The following LRP12 variants were observed in gnomAD, a reference collection of about 807,000 sequenced individuals.
The protein encoded by LRP12 is LDL receptor related protein 12.
A neutral mutation model predicts 66.0 loss-of-function variants in LRP12; 14 were observed. The ratio of observed to expected loss-of-function variants is 0.21; its 90% CI spans 0.14 to 0.33. LRP12 has a LOEUF of 0.33. Ranked by LOEUF, LRP12 falls within the 10% of genes least tolerant of loss-of-function variation. The pLI, the probability that LRP12 is intolerant of heterozygous loss-of-function variation, is 1.00. For missense variants in LRP12, 889 were observed against 1,053.4 expected (o/e 0.84, Z 2.16); for synonymous variants, 357 against 359.1 (o/e 0.99, Z 0.07).
intron 1 of LRP12, among the ~76,000 whole-genome samples, chr8:104,548,380 A>AT (rs1488650297): frequency 1.1e-5 from 1 of 91,984 alleles, no homozygotes; most frequent in Non-Finnish European, 1.8e-5. Flanking sequence ...TATATTATAT[A>AT]AATATATAAT....
Position 104,497,869 on chromosome 8 carries a change from T to C in LRP12, c.683A>G (p.Lys228Arg), listed in dbSNP as rs1321018638. 1 of 1,614,180 alleles carries C rather than the reference T, an allele frequency of 6.2e-7. No homozygotes were observed. Among genetic ancestry groups the C allele is most frequent in the Admixed American group, 1.7e-5 (1 of 60,024 alleles). ...AGATTCGGGGAGGCAAGTGTAAACTTTGGTAAAACGGGATAAACACTGGAA... is the reference window on the plus strand; with the variant it reads ...AGATTCGGGGAGGCAAGTGTAAACTCTGGTAAAACGGGATAAACACTGGAA... ...NQFQCLSRFT[K>R]VYTCLPESLK... The change falls in exon 5 of 7, where the codon AAA becomes AGA. Residue 228 changes from lysine to arginine, a missense_variant. Physicochemically the swap from Lys to Arg is conservative, Grantham distance 26. Coordinates refer to ENST00000276654, the MANE Select transcript of LRP12 (RefSeq NM_013437.5). The surrounding 1 kb of genome is among the most constrained non-coding windows in gnomAD (Gnocchi z 4.3).
At chr8:104,579,144 C>T (rs1253246835) in intron 1 of LRP12, among the ~76,000 whole-genome samples, 2 of 152,018 alleles carry the variant, frequency 1.3e-5, no homozygotes, top group African/African-American at 4.8e-5. Flanking sequence ...TCAAATTATC[C>T]CTGTTTGCAA....
intron 2 of LRP12, among the ~76,000 whole-genome samples, chr8:104,519,600 A>T (rs1295263329): frequency 6.6e-6 from 1 of 151,928 alleles, no homozygotes; most frequent in Admixed American, 6.6e-5. Flanking sequence ...AGATTTTTAG[A>T]TTAGGGATGC....
intron 1 of LRP12, among the ~76,000 whole-genome samples, chr8:104,563,076 A>T (rs1285557502): frequency 6.6e-6 from 1 of 152,202 alleles, no homozygotes; most frequent in African/African-American, 2.4e-5. Flanking sequence ...AAGAGCACAG[A>T]TTTTAGGTTA....
intron 1 of LRP12, among the ~76,000 whole-genome samples, chr8:104,535,335 A>G (rs894249384): frequency 4.6e-5 from 7 of 151,956 alleles, no homozygotes; most frequent in Admixed American, 2.6e-4. Flanking sequence ...TAAGTTCTAG[A>G]GTCAGACTCC....
intron 1 of LRP12, among the ~76,000 whole-genome samples, chr8:104,565,374 C>A (rs1055200518): frequency 6.6e-6 from 1 of 152,146 alleles, no homozygotes; most frequent in African/African-American, 2.4e-5. Flanking sequence ...TAGGAAATTA[C>A]AAGCTTCTAA....
chr8:104,588,775 T>C (rs767033489), intron 1 of LRP12, 44 bp downstream of exon 1: 1 of 1,590,544 alleles, frequency 6.3e-7, no homozygotes, highest in Middle Eastern at 1.7e-4. Flanking sequence ...CCGGGTCGCC[T>C]CAGCTTTGTT....
At chr8:104,547,019 AATAT>A (rs200580125) in intron 1 of LRP12, among the ~76,000 whole-genome samples, 4,423 of 145,316 alleles carry the variant, frequency 0.03, 222 homozygotes, top group African/African-American at 0.1. Flanking sequence ...TTCTGTATAT[AATAT>A]ATAATTATAA....
Position 104,490,882 on chromosome 8 carries a change from A to G in LRP12, c.2371T>C (p.Cys791Arg), listed in dbSNP as rs1316690902. 3.7e-6 allele frequency: 6 copies of G among 1,614,070 alleles called. No individual in the cohort carries two copies. Among genetic ancestry groups the G allele is most frequent in the African/African-American group, 1.3e-5 (1 of 74,938 alleles). The change falls in exon 7 of 7, where the codon TGC (cysteine) becomes CGC (arginine). Residue 791 changes from cysteine (C) to arginine (R), a missense_variant. Around this residue, in one of 3 missense-constraint regions of LRP12, gnomAD observed 800 missense variants for 964.5 expected, o/e 0.83. Transcript: ENST00000276654. Reference protein sequence around the residue: ...DGSSDFDVNDCSRPLLDLASD... With the variant: ...DGSSDFDVNDRSRPLLDLASD... ...GCAAGATCAAGAAGAGGTCTGGAGC[A>G]GTCATTCACATCAAAGTCTGAAGAT...
At chr8:104,548,278 ATTAATATATCATATATT>A (rs1564142003) in intron 1 of LRP12, among the ~76,000 whole-genome samples, 3 of 91,290 alleles carry the variant, frequency 3.3e-5, no homozygotes, top group African/African-American at 1.6e-4. Flanking sequence ...TATATATTAT[ATTAATATATCATATATT>A]TATATAATAT....
chr8:104,582,006 A>G (rs1357636268), intron 1 of LRP12, among the ~76,000 whole-genome samples: 2 of 152,202 alleles, frequency 1.3e-5, no homozygotes, highest in East Asian at 3.8e-4. Context: ...TCTCCAATAT[A>G]TGTAAAAAGA....
At chr8:104,545,375 T>G (rs939017619) in intron 1 of LRP12, among the ~76,000 whole-genome samples, 4 of 152,190 alleles carry the variant, frequency 2.6e-5, no homozygotes, top group Non-Finnish European at 5.9e-5. Context: ...GCAGCAGGGT[T>G]TGAAAAGACT....
rs578109468 is a variant in LRP12 at position 104,588,942 on chromosome 8, G to T, written c.-45C>A. 10 of 1,465,100 alleles carry T rather than the reference G, an allele frequency of 6.8e-6. No individual in the cohort carries two copies. The African/African-American group carries it at 1.3e-4, about 19-fold the overall frequency. The allele number at this position is 1,465,100 out of a possible 1,614,324, so 90.8% of individuals were successfully genotyped here. ...AGAGAGGAGGAGACGGAGGAGGAGG[G>T]AGGAGAAGCTGGAGGTAGACGACGC... On this transcript the variant is annotated 5_prime_UTR_variant, in exon 1 of 7. Transcript: ENST00000276654.
intron 2 of LRP12, among the ~76,000 whole-genome samples, chr8:104,513,515 G>A (rs1279067575): frequency 4.0e-5 from 6 of 151,832 alleles, no homozygotes; most frequent in Non-Finnish European, 8.8e-5. Flanking sequence ...TTTCAATTCT[G>A]ACCTTATCTC....
chr8:104,491,439 C>G lies in LRP12; in HGVS notation c.1814G>C (p.Arg605Pro). ...MAGRSSNIWNRIFNFARSRHS... is the reference protein window; with the variant it reads ...MAGRSSNIWNPIFNFARSRHS... ...ACGTGATCTTGCAAAATTAAAAATA[C>G]GGTTCCAAATGTTGCTTGATCTGCC... Residue 605 changes from arginine (R) to proline (P), a missense_variant, in exon 7 of 7, where the codon CGT becomes CCT. Transcript: ENST00000276654. 6.2e-7 allele frequency: 1 copy of G among 1,614,094 alleles called. No individual in the cohort carries two copies. Among genetic ancestry groups the G allele is most frequent in the Non-Finnish European group, 8.5e-7 (1 of 1,180,012 alleles).
chr8:104,499,385 T>C lies in LRP12; in HGVS notation c.407A>G (p.His136Arg), dbSNP rs376999547. ...IPPPYISSQD[H>R]IWIRFHSDDN... ...ATCCGAATGAAACCTAATCCAGATG[T>C]GGTCTTGTGAAGAGATATACGGAGG... Residue 136 changes from histidine (H) to arginine (R), a missense_variant, in exon 4 of 7, where the codon CAC (histidine) becomes CGC (arginine). Physicochemically the swap from His to Arg is conservative, Grantham distance 29 (BLOSUM62 0). Coordinates refer to ENST00000276654, the MANE Select transcript of LRP12 (RefSeq NM_013437.5). 6 of 1,613,750 alleles carry C rather than the reference T, an allele frequency of 3.7e-6. No individual in the cohort carries two copies. The African/African-American group carries it at 8.0e-5, about 22-fold the overall frequency.
intron 1 of LRP12, chr8:104,566,239 A>C (rs1812002927): frequency 1.7e-6 from 1 of 579,258 alleles, no homozygotes; most frequent in South Asian, 2.5e-5. Flanking sequence ...ACAGATTACA[A>C]ATGAGAAGCT....
At chr8:104,547,144 A>C (rs1811580808) in intron 1 of LRP12, among the ~76,000 whole-genome samples, 1 of 144,758 alleles carries the variant, frequency 6.9e-6, no homozygotes. Context: ...TATAATATAC[A>C]ATTCTATGTT....
At chr8:104,547,988 G>A (rs1402787647) in intron 1 of LRP12, among the ~76,000 whole-genome samples, 1 of 116,442 alleles carries the variant, frequency 8.6e-6, no homozygotes, top group East Asian at 2.3e-4. Context: ...ATATATAATT[G>A]TTATATTTTG....
Sources: allele counts gnomAD v4.1 joint callset (sites outside exome capture counted in the v4.1 genomes callset), GRCh38; gene constraint gnomAD v4.1.1; regional missense constraint gnomAD v4.1.1; non-coding constraint Gnocchi (gnomAD v3.1); transcripts MANE v1.5; gene names NCBI Gene and HGNC (gene_info 2026-07-23, HGNC 2026-07-21).